OR2Z1: variants seen among roughly 807,000 people sequenced by gnomAD.
OR2Z1 encodes the protein olfactory receptor 2Z1.
For synonymous variants in OR2Z1, 188 were observed against 160.6 expected (o/e 1.17, Z -1.29); for missense variants, 449 against 401.8 (o/e 1.12, Z -1.00).
chr19:8,728,265 C>G (rs2043335921), intron 2 of OR2Z1, among the ~76,000 whole-genome samples: 1 of 152,184 alleles, frequency 6.6e-6, no homozygotes, highest in Admixed American at 6.5e-5. Context: ...AGGAAGTATT[C>G]CTGATTTAAG....
In OR2Z1 at chr19:8,731,007, G is replaced by C; in HGVS notation, c.-22G>C. ...CCATAGTTCAGCTGTTCTTCCTGCAGCTAAAGTGCATTGTGTAAAACATGG... is the reference window on the plus strand; with the variant it reads ...CCATAGTTCAGCTGTTCTTCCTGCACCTAAAGTGCATTGTGTAAAACATGG... On this transcript the variant is annotated 5_prime_UTR_variant, in exon 3 of 3. Coordinates refer to ENST00000641125, the MANE Select transcript of OR2Z1 (RefSeq NM_001004699.3). The C allele has an allele frequency of 6.3e-7, 1 of 1,598,054 alleles. No individual in the cohort carries two copies. Among genetic ancestry groups the C allele is most frequent in the Non-Finnish European group, 8.6e-7 (1 of 1,167,230 alleles).
At chr19:8,729,826 G>A (rs1164271474) in intron 2 of OR2Z1, among the ~76,000 whole-genome samples, 1 of 151,972 alleles carries the variant, frequency 6.6e-6, no homozygotes, top group South Asian at 2.1e-4. Context: ...CTGACCTCAG[G>A]TGATCCACCC....
chr19:8,730,402 G>A (rs981670184), intron 2 of OR2Z1, among the ~76,000 whole-genome samples: 3 of 151,844 alleles, frequency 2.0e-5, no homozygotes, highest in African/African-American at 7.3e-5. Flanking sequence ...CACCATCTAT[G>A]TGGCTGTCTT....
chr19:8,723,313 T>C (rs1313151456), intron 2 of OR2Z1, among the ~76,000 whole-genome samples, 163 bp downstream of exon 2: 1 of 151,956 alleles, frequency 6.6e-6, no homozygotes, highest in Non-Finnish European at 1.5e-5. Flanking sequence ...CTGGAAACCT[T>C]CCCTCCTCTA....
Position 8,727,529 on chromosome 19 carries a change from A to T in OR2Z1, c.-169-3331A>T, listed in dbSNP as rs190800799. Among the ~76,000 whole-genome samples, 141 of 152,238 alleles carry T rather than the reference A, an allele frequency of 9.3e-4. 1 individual carries two copies. Among genetic ancestry groups the T allele is most frequent in the African/African-American group, 3.3e-3 (137 of 41,534 alleles). On this transcript the variant is annotated intron_variant, in intron 2 of 2. Coordinates refer to ENST00000641125, the MANE Select transcript of OR2Z1 (RefSeq NM_001004699.3). ...TGTAACAAACCTGCACGTTGTGCAC[A>T]TGTACCCTAAAACTTAAAGTATAAT...
chr19:8,722,161 C>A (rs1421473631), intron 1 of OR2Z1, 119 bp downstream of exon 1: 6 of 151,658 alleles, frequency 4.0e-5, no homozygotes, highest in Non-Finnish European at 8.8e-5. Flanking sequence ...TGCTGTGGAT[C>A]CTTGAGATGT....
chr19:8,727,850 G>A (rs1211945357), intron 2 of OR2Z1, among the ~76,000 whole-genome samples: 4 of 152,232 alleles, frequency 2.6e-5, no homozygotes, highest in Admixed American at 2.6e-4. Flanking sequence ...CTGGGTCACA[G>A]AGCAAGACTC....
chr19:8,732,017 AC>A lies in OR2Z1; in HGVS notation c.*47del, dbSNP rs2043360626. On this transcript the variant is annotated 3_prime_UTR_variant, in exon 3 of 3. Coordinates refer to ENST00000641125, the MANE Select transcript of OR2Z1 (RefSeq NM_001004699.3). Reference sequence around the variant, plus strand: ...TGAGATTCCAGCGGTCCTCGATCCCACCCACCTTCCCAAAGTATGCATTTGG... The same window carrying A: ...TGAGATTCCAGCGGTCCTCGATCCCACCACCTTCCCAAAGTATGCATTTGG... The A allele has an allele frequency of 4.8e-6, 7 of 1,447,604 alleles. No homozygotes were observed. Among genetic ancestry groups the A allele is most frequent in the Non-Finnish European group, 6.6e-6 (7 of 1,053,188 alleles). 89.7% of individuals were successfully genotyped at this position (1,447,604 alleles called of 1,614,324 possible).
chr19:8,722,326 G>A (rs2043310792), intron 1 of OR2Z1, among the ~76,000 whole-genome samples: 1 of 151,994 alleles, frequency 6.6e-6, no homozygotes, highest in Non-Finnish European at 1.5e-5. Flanking sequence ...CCTGCAAACT[G>A]TCATGTGATC....
At chr19:8,728,991 C>A in intron 2 of OR2Z1, 1 of 730,380 alleles carries the variant, frequency 1.4e-6, no homozygotes, top group Admixed American at 1.8e-5. Context: ...TGCAGAGTGG[C>A]CAAGCTTGTT....
At chr19:8,729,595 G>GT (rs1555756514) in intron 2 of OR2Z1, among the ~76,000 whole-genome samples, 1 of 149,408 alleles carries the variant, frequency 6.7e-6, no homozygotes, top group Admixed American at 6.7e-5. Flanking sequence ...TTGTAGAGAT[G>GT]GTTTTTTTTT....
intron 2 of OR2Z1, among the ~76,000 whole-genome samples, chr19:8,727,549 T>C (rs1403711702): frequency 8.6e-5 from 13 of 151,802 alleles, no homozygotes; most frequent in Non-Finnish European, 1.9e-4. Flanking sequence ...AAACTTAAAG[T>C]ATAATAATAA....
Position 8,730,960 on chromosome 19 carries a change from G to C in OR2Z1, c.-69G>C. On this transcript the variant is annotated 5_prime_UTR_variant, in exon 3 of 3. Transcript: ENST00000641125. ...TTGGCATGTGAGATGAAAATTATTT[G>C]CCACCCCATGCAGGCTTCTTGCCAT... 8.1e-7 allele frequency: 1 copy of C among 1,241,020 alleles called. No individual in the cohort carries two copies. The highest frequency in any genetic ancestry group is 1.1e-6 in the Non-Finnish European group (1 of 870,826). 76.9% of individuals were successfully genotyped at this position (1,241,020 alleles called of 1,614,324 possible). A position where few individuals can be genotyped will look rare whatever the true frequency, so the allele number is the denominator to read the frequency against.
At chr19:8,728,496 C>T (rs1555756386) in intron 2 of OR2Z1, among the ~76,000 whole-genome samples, 1 of 152,180 alleles carries the variant, frequency 6.6e-6, no homozygotes, top group African/African-American at 2.4e-5. Flanking sequence ...CAACCCCCTC[C>T]TGCTGTCATT....
intron 2 of OR2Z1, among the ~76,000 whole-genome samples, 190 bp from the exon 3 acceptor site, chr19:8,730,670 G>A (rs782069801): frequency 2.0e-5 from 3 of 151,932 alleles, no homozygotes; most frequent in South Asian, 2.1e-4. Context: ...CACCTGTCTC[G>A]GCCTCCCAAA....
At chr19:8,729,525 C>A (rs533386076) in intron 2 of OR2Z1, among the ~76,000 whole-genome samples, 2 of 151,606 alleles carry the variant, frequency 1.3e-5, no homozygotes, top group Admixed American at 6.6e-5. Context: ...ATCCTCCTGC[C>A]GTAGCCTCCC....
chr19:8,730,599 T>C (rs550645363), intron 2 of OR2Z1, among the ~76,000 whole-genome samples: 1 of 152,248 alleles, frequency 6.6e-6, no homozygotes, highest in African/African-American at 2.4e-5. Flanking sequence ...TTTGTACTTT[T>C]AGTAGAGACG....
intron 2 of OR2Z1, among the ~76,000 whole-genome samples, chr19:8,723,966 GTT>G (rs1484588048): frequency 8.1e-5 from 8 of 98,658 alleles, no homozygotes; most frequent in Non-Finnish European, 1.2e-4. Flanking sequence ...AGGGGAGTCT[GTT>G]TGTGTGTGTG....
intron 2 of OR2Z1, chr19:8,728,835 A>G (rs2043338502): frequency 3.1e-6 from 2 of 638,080 alleles, no homozygotes; most frequent in East Asian, 3.7e-5. Flanking sequence ...CAGGGTGTTG[A>G]CCTTGGCCAC....
Sources: allele counts gnomAD v4.1 joint callset (sites outside exome capture counted in the v4.1 genomes callset), GRCh38; gene constraint gnomAD v4.1.1; transcripts MANE v1.5; gene names NCBI Gene and HGNC (gene_info 2026-07-23, HGNC 2026-07-21).